The following FILIP1L variants were observed in gnomAD, a reference collection of about 807,000 sequenced individuals.
FILIP1L encodes the protein filamin A-interacting protein 1-like.
A neutral mutation model predicts 96.6 loss-of-function variants in FILIP1L; 55 were observed. That is an observed-to-expected ratio of 0.57 (90% CI 0.46 to 0.71). FILIP1L has a LOEUF of 0.71. Among genes scored for constraint, FILIP1L ranks in the 30% least tolerant of loss-of-function variants. The pLI is 0.00. For synonymous variants in FILIP1L, 467 were observed against 473.9 expected (o/e 0.99, Z 0.19); for missense variants, 1,304 against 1,321.2 (o/e 0.99, Z 0.20).
intron 1 of FILIP1L, among the ~76,000 whole-genome samples, chr3:100,093,670 A>G (rs1269731459): frequency 6.6e-6 from 1 of 152,106 alleles, no homozygotes; most frequent in Non-Finnish European, 1.5e-5. Flanking sequence ...AGGATCCCTC[A>G]TGTTCACCTT....
Position 99,947,482 on chromosome 3 carries a change from G to A in FILIP1L, c.-10-16452C>T, listed in dbSNP as rs183186228. Among the ~76,000 whole-genome samples the A allele has an allele frequency of 2.3e-3, 346 of 152,244 alleles. 1 individual carries two copies. Among genetic ancestry groups the A allele is most frequent in the Non-Finnish European group, 4.2e-3 (289 of 68,024 alleles). On this transcript the variant is annotated intron_variant, in intron 1 of 5. Coordinates refer to ENST00000477258, the MANE Select transcript of FILIP1L (RefSeq NM_001387850.1). ...CTGCCCCACCCCCTTCACCTTAGTG[G>A]CCTTTTCCCTATGGATCCAGAAGGG...
intron 1 of FILIP1L, among the ~76,000 whole-genome samples, chr3:100,000,542 A>G (rs1709812689): frequency 6.6e-6 from 1 of 152,176 alleles, no homozygotes; most frequent in Non-Finnish European, 1.5e-5. Flanking sequence ...GAAAATTCAG[A>G]CAATACTCCT....
intron 4 of FILIP1L, among the ~76,000 whole-genome samples, chr3:99,877,903 C>T (rs1705589471): frequency 6.6e-6 from 1 of 152,212 alleles, no homozygotes; most frequent in East Asian, 1.9e-4. Flanking sequence ...CTTTTTCCCT[C>T]TGATAGGCAA....
rs143175739 is a variant in FILIP1L, at chr3:100,031,948, C to T, written c.-11+82105G>A. Among the ~76,000 whole-genome samples the T allele has an allele frequency of 1.8e-3, 275 of 152,000 alleles. 1 individual carries two copies. Among genetic ancestry groups the T allele is most frequent in the Middle Eastern group, 0.01 (3 of 294 alleles). ...TGTTTCCATAAAACTATATTTTGGA[C>T]AGTTAAATTTGAATTTTATGTATTT... On this transcript the variant is annotated intron_variant, in intron 1 of 5. Coordinates refer to ENST00000477258, the MANE Select transcript of FILIP1L (RefSeq NM_001387850.1).
chr3:100,008,820 A>G (rs1431995667), intron 1 of FILIP1L, among the ~76,000 whole-genome samples: 1 of 152,198 alleles, frequency 6.6e-6, no homozygotes, highest in East Asian at 1.9e-4. Flanking sequence ...TGTCATCAAT[A>G]AACAGTTGTT....
intron 3 of FILIP1L, among the ~76,000 whole-genome samples, chr3:99,927,097 C>CAA (rs1380149882): frequency 6.6e-6 from 1 of 152,206 alleles, no homozygotes; most frequent in African/African-American, 2.4e-5. Context: ...CACTGGACTT[C>CAA]AGGCAGTTCT....
intron 1 of FILIP1L, among the ~76,000 whole-genome samples, chr3:100,101,889 C>T (rs545618744): frequency 5.9e-5 from 9 of 151,740 alleles, no homozygotes; most frequent in African/African-American, 2.2e-4. Flanking sequence ...TTTGTCCTTG[C>T]GATAGTTTGC....
intron 3 of FILIP1L, among the ~76,000 whole-genome samples, chr3:99,928,552 G>C (rs143734042): frequency 9.2e-5 from 14 of 152,316 alleles, no homozygotes; most frequent in South Asian, 2.1e-4. Flanking sequence ...TTTGTAGAAG[G>C]GGGGTATTTC....
chr3:100,076,532 T>C (rs77098240), intron 1 of FILIP1L, among the ~76,000 whole-genome samples: 1 of 152,354 alleles, frequency 6.6e-6, no homozygotes, highest in African/African-American at 2.4e-5. Flanking sequence ...TTACAGTATC[T>C]ATCTGGTTGC....
chr3:99,931,586 G>A lies in FILIP1L; in HGVS notation c.-10-556C>T, dbSNP rs540333467. Among the ~76,000 whole-genome samples the A allele has an allele frequency of 2.0e-5, 3 of 152,218 alleles. No homozygotes were observed. The South Asian group carries it at 6.2e-4, about 32-fold the overall frequency. On this transcript the variant is annotated intron_variant, in intron 1 of 5. Transcript: ENST00000477258. ...ATTACTGCATTATTTTGTTTTGAAG[G>A]CCAAGTCTAGTATTAAAGGAATGAA... is the stretch of plus-strand genomic sequence containing the variant.
intron 4 of FILIP1L, among the ~76,000 whole-genome samples, chr3:99,883,528 G>C (rs541951463): frequency 6.6e-6 from 1 of 152,142 alleles, no homozygotes; most frequent in East Asian, 1.9e-4. Context: ...GTGTTGGCTG[G>C]GGGGTGTTGT....
At chr3:99,912,472 G>A (rs1050707413) in intron 4 of FILIP1L, among the ~76,000 whole-genome samples, 1 of 152,112 alleles carries the variant, frequency 6.6e-6, no homozygotes, top group African/African-American at 2.4e-5. Flanking sequence ...GACCTCCCTG[G>A]ACTCAGGTGA....
intron 4 of FILIP1L, among the ~76,000 whole-genome samples, chr3:99,891,305 T>A (rs1354747918): frequency 3.9e-5 from 6 of 152,202 alleles, no homozygotes; most frequent in Admixed American, 3.9e-4. Context: ...CTCAGCTTTA[T>A]GTGGGGCTGG....
chr3:100,012,786 G>A, intron 1 of FILIP1L, among the ~76,000 whole-genome samples: 1 of 140,020 alleles, frequency 7.1e-6, no homozygotes, highest in East Asian at 2.1e-4. Context: ...TTTTGGGTTG[G>A]GGGAGGGACA....
At chr3:100,112,506 TAAATTTATTGC>T (rs1247660327) in intron 1 of FILIP1L, among the ~76,000 whole-genome samples, 7 of 152,252 alleles carry the variant, frequency 4.6e-5, no homozygotes, top group Non-Finnish European at 1.0e-4. Context: ...ATTTATTACT[TAAATTTATTGC>T]TAATTTATTG....
At chr3:99,957,897 A>G (rs1484936119) in intron 1 of FILIP1L, among the ~76,000 whole-genome samples, 4 of 149,572 alleles carry the variant, frequency 2.7e-5, no homozygotes, top group East Asian at 1.9e-4. Context: ...TTTAGATTCA[A>G]CAAAACCTGT....
chr3:100,039,657 A>G (rs1189357877), intron 1 of FILIP1L: 1 of 152,194 alleles, frequency 6.6e-6, no homozygotes, highest in Non-Finnish European at 1.5e-5. Context: ...ATCACCAAGT[A>G]ATTTTTCATC....
chr3:100,083,815 T>C (rs1161839680), intron 1 of FILIP1L, among the ~76,000 whole-genome samples: 1 of 152,128 alleles, frequency 6.6e-6, no homozygotes, highest in Non-Finnish European at 1.5e-5. Flanking sequence ...GCTCAAGCAG[T>C]CCTCCCACCT....
At chr3:100,032,984 A>G (rs1488045224) in intron 1 of FILIP1L, among the ~76,000 whole-genome samples, 10 of 152,112 alleles carry the variant, frequency 6.6e-5, no homozygotes, top group Non-Finnish European at 7.4e-5. Context: ...ACCAGGGCCA[A>G]ACTGCAATCC....
Sources: allele counts gnomAD v4.1 joint callset (sites outside exome capture counted in the v4.1 genomes callset), GRCh38; gene constraint gnomAD v4.1.1; transcripts MANE v1.5; gene names NCBI Gene and HGNC (gene_info 2026-07-23, HGNC 2026-07-21).